DCHS2: variants seen among roughly 807,000 people sequenced by gnomAD.
DCHS2 encodes the protein protocadherin-23.
Under a neutral mutation model 182.4 loss-of-function variants are expected in DCHS2, and 142 were observed. The ratio of observed to expected loss-of-function variants is 0.78; its 90% CI spans 0.68 to 0.89. The LOEUF is 0.89. Among genes scored for constraint, DCHS2 ranks in the 40% least tolerant of loss-of-function variants. The probability of loss-of-function intolerance (pLI) is 0.00; values close to 1 mark genes in which losing one functional copy is unlikely to be tolerated. For synonymous variants in DCHS2, 1,740 were observed against 1,663.3 expected, an observed-to-expected ratio of 1.05 and a Z score of -1.12; for missense variants, 4,319 against 4,198.6, an observed-to-expected ratio of 1.03 and a Z score of -0.79.
chr4:154,488,579 C>T (rs1043703388), intron 1 of DCHS2, among the ~76,000 whole-genome samples: 2 of 140,688 alleles, frequency 1.4e-5, no homozygotes, highest in African/African-American at 5.1e-5. Context: ...ACCTTATTCC[C>T]TAGGTTGCCT....
chr4:154,362,639 A>G lies in DCHS2; in HGVS notation c.2476+3571T>C, dbSNP rs983212258. On this transcript the variant is annotated intron_variant, in intron 3 of 19. Transcript: ENST00000357232. ...ATTGCGTGAGTCCACTTATACACAG[A>G]TAGTTTTCAATAACAGTTACAAGTA... Among the ~76,000 whole-genome samples the G allele has an allele frequency of 3.9e-5, 6 of 152,062 alleles. No homozygotes were observed. The East Asian group carries it at 1.2e-3, about 30-fold the overall frequency.
At chr4:154,405,118 C>A (rs114203084) in intron 1 of DCHS2, among the ~76,000 whole-genome samples, 1 of 152,074 alleles carries the variant, frequency 6.6e-6, no homozygotes, top group East Asian at 1.9e-4. Context: ...GGCCTGGTGG[C>A]GGTCACCTGT....
At chr4:154,333,529 A>T (rs1261064370) in intron 4 of DCHS2, 35 bp from the exon 5 acceptor site, 1 of 1,565,628 alleles carries the variant, frequency 6.4e-7, no homozygotes, top group Non-Finnish European at 8.7e-7. Context: ...ACTGTATGTC[A>T]AAAGGGTGGA....
At chr4:154,454,063 T>A (rs1435730663) in intron 1 of DCHS2, among the ~76,000 whole-genome samples, 1 of 152,176 alleles carries the variant, frequency 6.6e-6, no homozygotes, top group African/African-American at 2.4e-5. Context: ...AAACTATAAC[T>A]ACTTATGTAC....
Position 154,305,192 on chromosome 4 carries a change from G to A in DCHS2, c.5300C>T (p.Ala1767Val). Residue 1767 changes from alanine (A) to valine (V), a missense_variant, in exon 11 of 20, where the codon GCT (alanine) becomes GTT (valine). Ala to Val is a moderately conservative substitution (Grantham distance 64). Coordinates refer to ENST00000357232, the MANE Select transcript of DCHS2 (RefSeq NM_001358235.2). ...SKLQFEIMPGASFELFEINSD... is the reference protein window; with the variant it reads ...SKLQFEIMPGVSFELFEINSD... ...ATTTATCTCGAATAATTCAAATGAA[G>A]CACCTGGCATGATTTCAAACTGAAG... 6.2e-7 allele frequency: 1 copy of A among 1,612,602 alleles called. No individual in the cohort carries two copies. Among genetic ancestry groups the A allele is most frequent in the Non-Finnish European group, 8.5e-7 (1 of 1,179,360 alleles).
intron 1 of DCHS2, among the ~76,000 whole-genome samples, chr4:154,452,121 C>G (rs1463896149): frequency 6.6e-6 from 1 of 152,148 alleles, no homozygotes; most frequent in Non-Finnish European, 1.5e-5. Context: ...ATCCATAATG[C>G]CAATTATCAT....
intron 1 of DCHS2, among the ~76,000 whole-genome samples, chr4:154,488,697 G>A (rs951744762): frequency 3.3e-5 from 5 of 152,242 alleles, no homozygotes; most frequent in African/African-American, 1.2e-4. Flanking sequence ...GAGGTCAGGA[G>A]TTCGAGACCA....
At chr4:154,345,751 C>T (rs553285609) in intron 3 of DCHS2, among the ~76,000 whole-genome samples, 3 of 152,164 alleles carry the variant, frequency 2.0e-5, no homozygotes, top group African/African-American at 7.2e-5. Flanking sequence ...TGGCACAGTC[C>T]CAGGCTCAGA....
intron 15 of DCHS2, among the ~76,000 whole-genome samples, chr4:154,258,935 G>T (rs148173953): frequency 3.2e-4 from 49 of 152,216 alleles, no homozygotes; most frequent in African/African-American, 1.2e-3. Flanking sequence ...ATCTCCTAAT[G>T]CCCAGCTTCC....
At chr4:154,405,869 G>A (rs1052553210) in intron 1 of DCHS2, among the ~76,000 whole-genome samples, 1 of 152,146 alleles carries the variant, frequency 6.6e-6, no homozygotes, top group African/African-American at 2.4e-5. Context: ...TTTTTTTATT[G>A]TATGCTGAAT....
At chr4:154,419,488 T>C (rs1342693571) in intron 1 of DCHS2, among the ~76,000 whole-genome samples, 1 of 151,666 alleles carries the variant, frequency 6.6e-6, no homozygotes, top group Non-Finnish European at 1.5e-5. Context: ...CCATCTCTAC[T>C]AAAAATACAA....
At position 154,298,261 on chromosome 4, in the gene DCHS2, C is replaced by T. The variant is rs772616974; in HGVS notation, c.6053G>A (p.Arg2018Gln). 3.0e-5 allele frequency: 49 copies of T among 1,613,972 alleles called. No homozygotes were observed. Among genetic ancestry groups the T allele is most frequent in the South Asian group, 6.6e-5 (6 of 91,086 alleles). Residue 2018 changes from arginine (R) to glutamine (Q), a missense_variant, in exon 13 of 20, where the codon CGA becomes CAA. Physicochemically the swap from Arg to Gln is conservative, Grantham distance 43 (BLOSUM62 1). Coordinates refer to ENST00000357232, the MANE Select transcript of DCHS2 (RefSeq NM_001358235.2). The stretch of plus-strand genomic sequence containing the variant: ...TACTTTTATAATTACAGTGGTGCTT[C>T]GTGAACCCTGGATGCTACAGTCTCT... ...VARDCSIQGS[R>Q]STTVIIKVYV...
chr4:154,312,294 C>T lies in DCHS2; in HGVS notation c.5260+3454G>A, dbSNP rs1030462175. Among the ~76,000 whole-genome samples, 13 of 152,338 alleles carry T rather than the reference C, an allele frequency of 8.5e-5. No individual in the cohort carries two copies. The East Asian group carries it at 1.9e-3, about 23-fold the overall frequency. ...CTTGTGCTTGAATCCTATGGATCTC[C>T]TTATGTGCCCCTGGATTAATTAGAT... On this transcript the variant is annotated intron_variant, in intron 10 of 19. Coordinates refer to ENST00000357232, the MANE Select transcript of DCHS2 (RefSeq NM_001358235.2).
intron 1 of DCHS2, among the ~76,000 whole-genome samples, chr4:154,383,018 C>T (rs912926516): frequency 6.6e-6 from 1 of 152,040 alleles, no homozygotes; most frequent in Admixed American, 6.5e-5. Flanking sequence ...ATTATTCTAC[C>T]AAAAAGACAC....
chr4:154,382,959 C>T (rs1052999242), intron 1 of DCHS2, among the ~76,000 whole-genome samples: 1 of 151,994 alleles, frequency 6.6e-6, no homozygotes, highest in African/African-American at 2.4e-5. Flanking sequence ...TAAAGAACTA[C>T]CATTCGAACA....
chr4:154,291,334 T>C (rs1004824321), intron 13 of DCHS2, among the ~76,000 whole-genome samples: 14 of 152,146 alleles, frequency 9.2e-5, no homozygotes, highest in African/African-American at 3.1e-4. Flanking sequence ...CCTTATACGC[T>C]GTTGGTGGGA....
intron 1 of DCHS2, among the ~76,000 whole-genome samples, chr4:154,439,448 T>C (rs1418498740): frequency 6.6e-6 from 1 of 152,208 alleles, no homozygotes; most frequent in Non-Finnish European, 1.5e-5. Flanking sequence ...ATACTTGTTT[T>C]TTAGTTAATA....
At chr4:154,356,161 C>G (rs1339995287) in intron 3 of DCHS2, among the ~76,000 whole-genome samples, 2 of 151,728 alleles carry the variant, frequency 1.3e-5, no homozygotes, top group Non-Finnish European at 1.5e-5. Flanking sequence ...TGCTCTTGAC[C>G]CTGTGTAGGC....
intron 1 of DCHS2, among the ~76,000 whole-genome samples, chr4:154,436,480 TA>T (rs1205834477): frequency 1.3e-5 from 2 of 152,150 alleles, no homozygotes; most frequent in African/African-American, 4.8e-5. Context: ...GTTTTCATGT[TA>T]AAAAATACCT....
Sources: allele counts gnomAD v4.1 joint callset (sites outside exome capture counted in the v4.1 genomes callset), GRCh38; gene constraint gnomAD v4.1.1; transcripts MANE v1.5; gene names NCBI Gene and HGNC (gene_info 2026-07-23, HGNC 2026-07-21).